SCAP: variants seen among roughly 807,000 people sequenced by gnomAD.
SCAP encodes SREBF chaperone.
In SCAP, 65 loss-of-function variants were observed where a neutral mutation model predicts 123.6. The observed-to-expected ratio is 0.53, with a 90% CI of 0.43 to 0.65. The LOEUF is 0.65. Among genes scored for constraint, SCAP ranks in the 30% least tolerant of loss-of-function variants. The pLI, the probability that SCAP is intolerant of heterozygous loss-of-function variation, is 0.00. For synonymous variants in SCAP, 740 were observed against 726.3 expected, an observed-to-expected ratio of 1.02 and a Z score of -0.30; for missense variants, 1,398 against 1,712.5, an observed-to-expected ratio of 0.82 and a Z score of 3.24.
intron 1 of SCAP, among the ~76,000 whole-genome samples, chr3:47,462,768 A>AG: frequency 6.6e-6 from 1 of 151,514 alleles, no homozygotes; most frequent in African/African-American, 2.4e-5. Context: ...AAAAAAAAAA[A>AG]AAAAAAGAAA....
At chr3:47,421,573 C>T (rs987300782) in intron 10 of SCAP, among the ~76,000 whole-genome samples, 5 of 152,226 alleles carry the variant, frequency 3.3e-5, no homozygotes, top group Non-Finnish European at 5.9e-5. Context: ...TCTGAGATGT[C>T]GGTGTTGAGA....
rs555150526 is a variant in SCAP at position 47,418,663 on chromosome 3, C to T, written c.2121G>A (p.Thr707=). 19 of 1,544,454 alleles carry T rather than the reference C, an allele frequency of 1.2e-5. No homozygotes were observed. The highest frequency in any genetic ancestry group is 5.6e-5 in the African/African-American group (4 of 71,812). The change falls in exon 14 of 23, where the codon ACG becomes ACA. Residue 707 remains threonine, a synonymous_variant. Transcript: ENST00000265565. ...CCACCCAGCAGCCTTACTTGTACAG[C>T]GTGACGTCTCCATGGGCCTGCACCC... ...PGGVQAHGDV[T]LYKVAALGLA...
intron 1 of SCAP, among the ~76,000 whole-genome samples, chr3:47,448,241 T>G (rs1224967902): frequency 6.6e-6 from 1 of 152,126 alleles, no homozygotes; most frequent in African/African-American, 2.4e-5. Flanking sequence ...TTTTAGCAAC[T>G]ATGTTTTCAA....
At chr3:47,437,197 T>C (rs999093755) in intron 2 of SCAP, among the ~76,000 whole-genome samples, 4 of 152,074 alleles carry the variant, frequency 2.6e-5, no homozygotes, top group Non-Finnish European at 5.9e-5. Context: ...CCCAGCACTT[T>C]GGGAGGCTGA....
At chr3:47,472,473 A>AAT (rs1470146931) in intron 1 of SCAP, among the ~76,000 whole-genome samples, 1 of 149,398 alleles carries the variant, frequency 6.7e-6, no homozygotes, top group Non-Finnish European at 1.5e-5. Flanking sequence ...TAATAATAAT[A>AAT]ATAATAATAA....
chr3:47,429,569 G>A (rs1384782849), intron 3 of SCAP, among the ~76,000 whole-genome samples: 2 of 152,234 alleles, frequency 1.3e-5, no homozygotes, highest in East Asian at 1.9e-4. Context: ...GGCTGGTCTC[G>A]AACTCCTGGG....
intron 1 of SCAP, among the ~76,000 whole-genome samples, chr3:47,464,283 T>C (rs1236637038): frequency 2.0e-5 from 3 of 152,130 alleles, no homozygotes; most frequent in African/African-American, 7.2e-5. Context: ...CTCAAAGTGC[T>C]GGGATTACAG....
intron 2 of SCAP, among the ~76,000 whole-genome samples, chr3:47,435,566 GT>G (rs1335410981): frequency 6.7e-6 from 1 of 150,332 alleles, no homozygotes; most frequent in Admixed American, 6.7e-5. Context: ...TGTATTTTTA[GT>G]GGAGACGGGG....
At position 47,427,553 on chromosome 3, in the gene SCAP, C is replaced by A. The variant is rs749779557; in HGVS notation, c.525G>T (p.Gly175=). ...GTTCCCAGTCATTCTGCCAGAAGTTCCCAGGGGACAGCAGCAGGCATCCAT... is the reference window on the plus strand; with the variant it reads ...GTTCCCAGTCATTCTGCCAGAAGTTACCAGGGGACAGCAGCAGGCATCCAT... ...PEHGCLLLSP[G]NFWQNDWERF... is the part of the protein sequence containing the mutation. Residue 175 remains glycine (G), a synonymous_variant, in exon 5 of 23, where the codon GGG becomes GGT. Transcript: ENST00000265565. 3.1e-6 allele frequency: 5 copies of A among 1,614,154 alleles called. No homozygotes were observed. The East Asian group carries it at 1.1e-4, about 36-fold the overall frequency.
chr3:47,435,297 G>A (rs530851772), intron 2 of SCAP, among the ~76,000 whole-genome samples, 160 bp from the exon 3 acceptor site: 30 of 152,104 alleles, frequency 2.0e-4, no homozygotes, highest in Non-Finnish European at 3.8e-4. Flanking sequence ...AAACTCAGAA[G>A]TCATCTAGAT....
intron 1 of SCAP, among the ~76,000 whole-genome samples, chr3:47,447,824 C>A (rs1018406541): frequency 3.3e-5 from 5 of 151,742 alleles, no homozygotes; most frequent in Admixed American, 2.6e-4. Flanking sequence ...CTGGCCAACA[C>A]AGTGAAACCC....
chr3:47,474,203 T>A (rs1000310670), intron 1 of SCAP, among the ~76,000 whole-genome samples: 1 of 147,256 alleles, frequency 6.8e-6, no homozygotes, highest in South Asian at 2.2e-4. Flanking sequence ...AGGCGGAGGG[T>A]GCAGTGAGCC....
intron 9 of SCAP, 43 bp downstream of exon 9, chr3:47,423,890 A>G: frequency 7.2e-7 from 1 of 1,384,996 alleles, no homozygotes; most frequent in Non-Finnish European, 1.0e-6. Context: ...GCCCCATTCC[A>G]GCCCCTCCTG....
intron 3 of SCAP, among the ~76,000 whole-genome samples, chr3:47,431,565 G>A (rs1330466037): frequency 6.6e-6 from 1 of 152,016 alleles, no homozygotes; most frequent in Non-Finnish European, 1.5e-5. Flanking sequence ...GATGATCTTG[G>A]CAGCTTCAAG....
At chr3:47,425,747 G>A in intron 7 of SCAP, 136 bp from the exon 8 acceptor site, 1 of 999,380 alleles carries the variant, frequency 1.0e-6, no homozygotes. Context: ...ACAGGCACAA[G>A]CACTTCCCAG....
chr3:47,475,169 CT>C (rs910523198), intron 1 of SCAP, among the ~76,000 whole-genome samples: 8 of 152,140 alleles, frequency 5.3e-5, no homozygotes, highest in African/African-American at 1.4e-4. Context: ...CTGCCCCCCC[CT>C]CCGCATTCCC....
chr3:47,456,675 G>A (rs1166670635), intron 1 of SCAP, among the ~76,000 whole-genome samples: 2 of 151,832 alleles, frequency 1.3e-5, no homozygotes, highest in African/African-American at 2.4e-5. Context: ...TGAGACAGGA[G>A]AATCACTTGA....
intron 2 of SCAP, among the ~76,000 whole-genome samples, chr3:47,442,461 C>A (rs1291664873): frequency 6.6e-6 from 1 of 152,174 alleles, no homozygotes; most frequent in Non-Finnish European, 1.5e-5. Flanking sequence ...GGTTAGCCTG[C>A]CACAGGTTGT....
At chr3:47,438,582 G>A (rs1159122199) in intron 2 of SCAP, among the ~76,000 whole-genome samples, 11 of 152,152 alleles carry the variant, frequency 7.2e-5, no homozygotes, top group African/African-American at 2.4e-4. Context: ...GGGAGGCCGA[G>A]GTGGGTGGGT....
Sources: gnomAD v4.1 joint callset for allele counts (sites outside exome capture counted in the v4.1 genomes callset) on GRCh38, gnomAD v4.1.1 for gene constraint, MANE v1.5 for transcripts, NCBI Gene and HGNC (gene_info 2026-07-23, HGNC 2026-07-21) for gene names.